The following DLGAP1 variants were observed in gnomAD, a reference collection of about 807,000 sequenced individuals.
The protein encoded by DLGAP1 is disks large-associated protein 1.
Under a neutral mutation model 90.8 loss-of-function variants are expected in DLGAP1, and 11 were observed. That is an observed-to-expected ratio of 0.12 (90% CI 0.08 to 0.20). DLGAP1 has a LOEUF of 0.20. DLGAP1 is among the 10% of genes least tolerant of loss of function. DLGAP1 has a pLI of 1.00. For synonymous variants in DLGAP1, 558 were observed against 540.7 expected (o/e 1.03, Z -0.44); for missense variants, 1,050 against 1,333.8 (o/e 0.79, Z 3.31).
At chr18:3,706,439 T>G (rs1417002269) in intron 7 of DLGAP1, among the ~76,000 whole-genome samples, 4 of 152,204 alleles carry the variant, frequency 2.6e-5, no homozygotes, top group Non-Finnish European at 5.9e-5. Context: ...ATGTGCTTAA[T>G]GAGGACAGGC....
chr18:3,659,988 CG>C (rs1767183094), intron 7 of DLGAP1, among the ~76,000 whole-genome samples: 1 of 152,138 alleles, frequency 6.6e-6, no homozygotes, highest in Non-Finnish European at 1.5e-5. Flanking sequence ...GGTGTACTTG[CG>C]GCTCGCTCCC....
At chr18:4,163,047 C>T (rs2144521750) in intron 1 of DLGAP1, among the ~76,000 whole-genome samples, 1 of 152,276 alleles carries the variant, frequency 6.6e-6, no homozygotes, top group Non-Finnish European at 1.5e-5. Flanking sequence ...AGCTGATATT[C>T]TGTCCCCATT....
intron 5 of DLGAP1, among the ~76,000 whole-genome samples, chr18:3,780,457 G>A (rs2065138184): frequency 6.6e-6 from 1 of 152,170 alleles, no homozygotes; most frequent in African/African-American, 2.4e-5. Context: ...GAGGCCTCCT[G>A]TATTCCTGGA....
chr18:3,600,819 G>T lies in DLGAP1; in HGVS notation c.1592-18571C>A, dbSNP rs867196308. 5.2e-4 allele frequency among the ~76,000 whole-genome samples: 29 copies of T among 55,698 alleles called. 2 individuals carry two copies. Among genetic ancestry groups the T allele is most frequent in the African/African-American group, 1.1e-3 (14 of 12,538 alleles). The allele number at this position is 55,698 out of a possible 152,430, so 36.5% of individuals were successfully genotyped here. A position where few individuals can be genotyped will look rare whatever the true frequency, so the allele number is the denominator to read the frequency against. ...ATATATAGATATATAGATATATATA[G>T]ATATATAGATATATATAGATATATA... On this transcript the variant is annotated intron_variant, in intron 7 of 12. Transcript: ENST00000315677.
intron 4 of DLGAP1, among the ~76,000 whole-genome samples, chr18:3,826,456 C>T (rs1030719916): frequency 4.6e-5 from 7 of 152,150 alleles, no homozygotes; most frequent in African/African-American, 1.7e-4. Flanking sequence ...TCGCAGGCTA[C>T]ATTAAGAGAC....
At chr18:4,232,280 T>A (rs1003456683) in intron 1 of DLGAP1, among the ~76,000 whole-genome samples, 3 of 152,198 alleles carry the variant, frequency 2.0e-5, no homozygotes, top group African/African-American at 7.2e-5. Context: ...CTTAAATTTT[T>A]TTTTAAAATC....
intron 3 of DLGAP1, among the ~76,000 whole-genome samples, chr18:4,002,582 A>T (rs1182940804): frequency 6.6e-6 from 1 of 152,222 alleles, no homozygotes; most frequent in Admixed American, 6.5e-5. Context: ...TATGGTAAGA[A>T]TACAATATGT....
At chr18:4,162,120 C>T (rs1387820241) in intron 1 of DLGAP1, among the ~76,000 whole-genome samples, 3 of 152,136 alleles carry the variant, frequency 2.0e-5, no homozygotes, top group Admixed American at 6.5e-5. Flanking sequence ...AAGAAAGATT[C>T]CTGCACCCCT....
intron 3 of DLGAP1, chr18:3,978,173 G>C: frequency 2.3e-6 from 1 of 433,888 alleles, no homozygotes; most frequent in Non-Finnish European, 4.5e-6. Context: ...AAAGCCCTTG[G>C]TGGCACAGGA....
intron 1 of DLGAP1, among the ~76,000 whole-genome samples, chr18:4,366,734 A>C (rs916867673): frequency 6.6e-6 from 1 of 151,994 alleles, no homozygotes; most frequent in South Asian, 2.1e-4. Context: ...TATAGGTAAG[A>C]GCCTGTGGGT....
chr18:3,519,391 C>T (rs1356398749), intron 10 of DLGAP1, among the ~76,000 whole-genome samples: 2 of 152,146 alleles, frequency 1.3e-5, no homozygotes, highest in Non-Finnish European at 2.9e-5. Flanking sequence ...CACTGCTGCC[C>T]GTTAGTCCTT....
At chr18:3,715,807 A>C (rs34876141) in intron 7 of DLGAP1, among the ~76,000 whole-genome samples, 42,252 of 151,954 alleles carry the variant, frequency 0.28, 6,623 homozygotes, top group South Asian at 0.36. Context: ...TTTTAAAGAC[A>C]CCATGAACTG....
At chr18:4,075,995 G>C (rs753791084) in intron 2 of DLGAP1, among the ~76,000 whole-genome samples, 1 of 151,968 alleles carries the variant, frequency 6.6e-6, no homozygotes, top group Non-Finnish European at 1.5e-5. Context: ...ACTCTTGGTC[G>C]CTCTCCCTCT....
intron 7 of DLGAP1, among the ~76,000 whole-genome samples, chr18:3,699,322 G>A (rs1396368671): frequency 1.3e-5 from 2 of 152,188 alleles, no homozygotes; most frequent in East Asian, 3.9e-4. Context: ...TTTCAGATGG[G>A]GTTTTTGTGT....
At chr18:3,907,768 T>G (rs2071941631) in intron 3 of DLGAP1, among the ~76,000 whole-genome samples, 1 of 152,138 alleles carries the variant, frequency 6.6e-6, no homozygotes. Flanking sequence ...CCAGGCTACC[T>G]CTCAGCAGGT....
chr18:3,789,510 T>C (rs1375942120), intron 5 of DLGAP1, among the ~76,000 whole-genome samples: 1 of 151,440 alleles, frequency 6.6e-6, no homozygotes, highest in African/African-American at 2.5e-5. Context: ...AAAGAGACTA[T>C]ATTGGATAAG....
chr18:3,505,409 C>A (rs973018479), intron 11 of DLGAP1, among the ~76,000 whole-genome samples: 1 of 151,818 alleles, frequency 6.6e-6, no homozygotes, highest in South Asian at 2.1e-4. Flanking sequence ...AAGGCCGAGG[C>A]GGGAGGATCA....
chr18:4,408,120 G>C (rs1010220450), intron 1 of DLGAP1, among the ~76,000 whole-genome samples: 4 of 152,070 alleles, frequency 2.6e-5, no homozygotes, highest in Admixed American at 6.6e-5. Flanking sequence ...AAGAAAAAAA[G>C]AACAGTCAAC....
At chr18:3,741,745 C>G (rs1488598400) in intron 6 of DLGAP1, among the ~76,000 whole-genome samples, 2 of 152,204 alleles carry the variant, frequency 1.3e-5, no homozygotes, top group Non-Finnish European at 2.9e-5. Context: ...TTCTCATTCT[C>G]TCCAATCTTT....
Sources: gnomAD v4.1 joint callset for allele counts (sites outside exome capture counted in the v4.1 genomes callset) on GRCh38, gnomAD v4.1.1 for gene constraint, MANE v1.5 for transcripts, NCBI Gene and HGNC (gene_info 2026-07-23, HGNC 2026-07-21) for gene names.